LRIG1: variants seen among roughly 807,000 people sequenced by gnomAD.
LRIG1 encodes the protein leucine rich repeats and immunoglobulin like domains 1, also known as leucine-rich repeats and immunoglobulin-like domains protein 1.
A neutral mutation model predicts 99.2 loss-of-function variants in LRIG1; 48 were observed. That is an observed-to-expected ratio of 0.48 (90% CI 0.38 to 0.62). The LOEUF (loss-of-function observed/expected upper bound fraction) is 0.62, where lower values mean the gene tolerates loss of function less well. Ranked by LOEUF, LRIG1 falls within the 20% of genes least tolerant of loss-of-function variation. The pLI is 0.00. For synonymous variants in LRIG1, 772 were observed against 596.1 expected (o/e 1.29, Z -4.30); for missense variants, 1,646 against 1,434.4 (o/e 1.15, Z -2.38).
At chr3:66,451,518 C>G (rs773837069) in intron 3 of LRIG1, 41 bp downstream of exon 3, 15 of 1,576,712 alleles carry the variant, frequency 9.5e-6, no homozygotes, top group Non-Finnish European at 1.3e-5. Context: ...ACACCATGGC[C>G]CCACCACACA....
At chr3:66,407,514 T>A in intron 7 of LRIG1, 23 bp from the exon 8 acceptor site, 1 of 1,612,864 alleles carries the variant, frequency 6.2e-7, no homozygotes, top group Non-Finnish European at 8.5e-7. Flanking sequence ...AGGGCAGCAA[T>A]GTCACCATCT....
intron 3 of LRIG1, among the ~76,000 whole-genome samples, chr3:66,429,787 G>GGT (rs35021380): frequency 0.061 from 9,048 of 149,306 alleles, 640 homozygotes; most frequent in African/African-American, 0.18. Flanking sequence ...AAACAGGGTG[G>GGT]GTGTGTGTGT....
chr3:66,500,219 G>C lies in LRIG1; in HGVS notation c.189C>G (p.Pro63=). Residue 63 remains proline, a synonymous_variant, in exon 1 of 19, where the codon CCC becomes CCG. Coordinates refer to ENST00000273261, the MANE Select transcript of LRIG1 (RefSeq NM_015541.3). ...DCGGRGLAAL[P]GDLPSWTRSL... ...TCCGCGTCCAGGAGGGCAGGTCCCC[G>C]GGCAACGCAGCCAGCCCGCGCCCAC... The C allele has an allele frequency of 2.6e-6, 4 of 1,513,632 alleles. No individual in the cohort carries two copies. Among genetic ancestry groups the C allele is most frequent in the Non-Finnish European group, 3.5e-6 (4 of 1,137,694 alleles). The allele number at this position is 1,513,632 out of a possible 1,614,324, so 93.8% of individuals were successfully genotyped here.
At chr3:66,485,155 CAA>C (rs60055293) in intron 1 of LRIG1, among the ~76,000 whole-genome samples, 2,352 of 126,214 alleles carry the variant, frequency 0.019, 20 homozygotes, top group African/African-American at 0.053. Context: ...AAGACCCTCT[CAA>C]AAAAAAAAAA....
intron 9 of LRIG1, among the ~76,000 whole-genome samples, chr3:66,404,963 C>T (rs1225254159): frequency 1.3e-5 from 2 of 152,190 alleles, no homozygotes; most frequent in Non-Finnish European, 2.9e-5. Flanking sequence ...AGCCGCCAAA[C>T]GCCGGGTTGC....
chr3:66,438,990 G>T (rs62245373), intron 3 of LRIG1, among the ~76,000 whole-genome samples: 49,458 of 152,204 alleles, frequency 0.32, 9,456 homozygotes, highest in Middle Eastern at 0.44. Context: ...GGGGGAAAGT[G>T]AAGACAGGCA....
intron 1 of LRIG1, among the ~76,000 whole-genome samples, chr3:66,470,227 C>G (rs1419711271): frequency 2.6e-5 from 4 of 152,182 alleles, no homozygotes; most frequent in African/African-American, 9.7e-5. Flanking sequence ...CCCATGCCCT[C>G]TTTATTCACC....
chr3:66,385,351 C>T (rs1163220360), intron 13 of LRIG1, among the ~76,000 whole-genome samples: 2 of 152,214 alleles, frequency 1.3e-5, no homozygotes, highest in African/African-American at 4.8e-5. Context: ...GCAGCTTCCC[C>T]AGGCTAAGGG....
rs1439259462 is a variant in LRIG1, at chr3:66,380,098, T to TG, written c.*164dup. 8.6e-6 allele frequency: 5 copies of TG among 578,824 alleles called. No homozygotes were observed. Among genetic ancestry groups the TG allele is most frequent in the East Asian group, 2.8e-5 (1 of 35,444 alleles). The allele number at this position is 578,824 out of a possible 1,614,324, so 35.9% of individuals were successfully genotyped here. A position where few individuals can be genotyped will look rare whatever the true frequency, so the allele number is the denominator to read the frequency against. On this transcript the variant is annotated 3_prime_UTR_variant, in exon 19 of 19. Transcript: ENST00000273261. ...TGCCTTTTGTACACAAATCCCCTCT[T>TG]GCGTTTACTGTGCTTCAGATCCAAG... is the stretch of plus-strand genomic sequence containing the variant.
At chr3:66,491,951 A>G (rs17044724) in intron 1 of LRIG1, among the ~76,000 whole-genome samples, 8,203 of 152,290 alleles carry the variant, frequency 0.054, 713 homozygotes, top group African/African-American at 0.19. Flanking sequence ...ACCTGCCTGC[A>G]TATCAACTGT....
At chr3:66,417,344 A>C (rs1230325075) in intron 3 of LRIG1, 78 bp from the exon 4 acceptor site, 12 of 1,407,848 alleles carry the variant, frequency 8.5e-6, no homozygotes, top group Admixed American at 1.8e-5. Context: ...CCTGCACCCC[A>C]CCCCCCACCA....
intron 1 of LRIG1, among the ~76,000 whole-genome samples, chr3:66,478,050 G>A (rs1380389395): frequency 2.0e-5 from 3 of 152,270 alleles, no homozygotes; most frequent in East Asian, 3.9e-4. Flanking sequence ...ATCTACATAA[G>A]TCTTATGAAA....
chr3:66,452,370 C>G (rs1331418588), intron 2 of LRIG1, among the ~76,000 whole-genome samples: 2 of 152,218 alleles, frequency 1.3e-5, no homozygotes. Flanking sequence ...CAAAGCACGG[C>G]TCGCCTGGTC....
intron 3 of LRIG1, among the ~76,000 whole-genome samples, chr3:66,427,620 T>A (rs948025739): frequency 3.3e-5 from 5 of 152,234 alleles, no homozygotes; most frequent in African/African-American, 1.2e-4. Context: ...GGCAACACAG[T>A]GAGACCCTCA....
intron 1 of LRIG1, among the ~76,000 whole-genome samples, chr3:66,480,939 C>T (rs953703036): frequency 4.6e-5 from 7 of 152,044 alleles, no homozygotes; most frequent in African/African-American, 7.2e-5. Context: ...TTGGGGCAGG[C>T]GGATTTGAGA....
intron 1 of LRIG1, among the ~76,000 whole-genome samples, chr3:66,477,249 G>C (rs1407287314): frequency 6.6e-6 from 1 of 152,130 alleles, no homozygotes; most frequent in African/African-American, 2.4e-5. Context: ...TTTAACTGAT[G>C]GCTGCTGTTG....
chr3:66,409,542 CGCACACGACT>C (rs1182799666), intron 7 of LRIG1, among the ~76,000 whole-genome samples: 2 of 152,216 alleles, frequency 1.3e-5, no homozygotes, highest in Non-Finnish European at 2.9e-5. Context: ...GAACTAAGCA[CGCACACGACT>C]GCACAGGAGC....
rs60622033 is a variant in LRIG1 at position 66,382,313 on chromosome 3, G to T, written c.2577C>A (p.Thr859=). The change falls in exon 16 of 19, where the codon ACC becomes ACA. Residue 859 remains threonine, a synonymous_variant. Transcript: ENST00000273261. ...GCCCATTGGCCTGAGGGCCACCCTC[G>T]GTCCTGACCACGGTTTCTTGTCGGT... ...LSDRQETVVR[T]EGGPQANGHI... 2 of 1,614,110 alleles carry T rather than the reference G, an allele frequency of 1.2e-6. No individual in the cohort carries two copies. The highest frequency in any genetic ancestry group is 2.7e-5 in the African/African-American group (2 of 75,028).
rs760114291 is a variant in LRIG1 at position 66,383,258 on chromosome 3, G to A, written c.2215C>T (p.His739Tyr). The A allele has an allele frequency of 6.8e-6, 11 of 1,614,188 alleles. No homozygotes were observed. The highest frequency in any genetic ancestry group is 1.7e-5 in the Admixed American group (1 of 60,026). The change falls in exon 15 of 19, where the codon CAC becomes TAC. Residue 739 changes from histidine to tyrosine, a missense_variant. Physicochemically the swap from His to Tyr is moderately conservative, Grantham distance 83. Coordinates refer to ENST00000273261, the MANE Select transcript of LRIG1 (RefSeq NM_015541.3). ...AGCTGGTTGTCAGGGGTCAAGTGGT[G>A]CCGCTCAGTGAGGCTCAGCGGGCGG... ...GDRPLSLTERHHLTPDNQLLV... is the reference protein window; with the variant it reads ...GDRPLSLTERYHLTPDNQLLV...
Sources: allele counts gnomAD v4.1 joint callset (sites outside exome capture counted in the v4.1 genomes callset), GRCh38; gene constraint gnomAD v4.1.1; transcripts MANE v1.5; gene names NCBI Gene and HGNC (gene_info 2026-07-23, HGNC 2026-07-21).